Variants in JHY observed in about 807,000 individuals in gnomAD.
The protein encoded by JHY is junctional cadherin complex regulator, also known as jhy protein homolog.
A neutral mutation model predicts 78.0 loss-of-function variants in JHY; 69 were observed. That is an observed-to-expected ratio of 0.88 (90% CI 0.73 to 1.08). The LOEUF (loss-of-function observed/expected upper bound fraction) is 1.08. Among genes scored for constraint, JHY ranks in the 50% least tolerant of loss-of-function variants. The pLI is 0.00. For synonymous variants in JHY, 368 were observed against 342.6 expected (o/e 1.07, Z -0.82); for missense variants, 944 against 927.8 (o/e 1.02, Z -0.23).
chr11:122,959,128 G>T, intron 8 of JHY, 120 bp from the exon 9 acceptor site: 1 of 1,386,556 alleles, frequency 7.2e-7, no homozygotes, highest in Non-Finnish European at 9.7e-7. Flanking sequence ...TTCCACCAAT[G>T]TCTTAGTAAG....
chr11:122,925,043 C>G (rs1405278866), intron 4 of JHY, 33 bp downstream of exon 4: 1 of 1,450,818 alleles, frequency 6.9e-7, no homozygotes, highest in Non-Finnish European at 9.7e-7. Flanking sequence ...AAGTGTGTTT[C>G]AAGCGATACT....
rs571482464 is a variant in JHY, at chr11:122,922,809, C to CAAAAAAAAA, written c.865-2069_865-2061dup. Among the ~76,000 whole-genome samples, 69 of 44,366 alleles carry CAAAAAAAAA rather than the reference C, an allele frequency of 1.6e-3. 3 individuals are homozygous for CAAAAAAAAA. The highest frequency in any genetic ancestry group is 3.9e-3 in the Admixed American group (14 of 3,616). 29.1% of individuals were successfully genotyped at this position (44,366 alleles called of 152,430 possible). A position where few individuals can be genotyped will look rare whatever the true frequency, so the allele number is the denominator to read the frequency against. On this transcript the variant is annotated intron_variant, in intron 3 of 8. Coordinates refer to ENST00000227349, the MANE Select transcript of JHY (RefSeq NM_024806.4). ...TGGGCAACAGAGCGAGACTCCGTCT[C>CAAAAAAAAA]AAAAAAAAAAAAAAAAAAAAAAAAA...
In JHY at chr11:122,952,802, T is replaced by G. The variant is rs138821811; in HGVS notation, c.1930-3694T>G. ...CTTTGGACAAATTGGATTTATGACT[T>G]GGACATGAGCAGGGTTTTTTCCTTC... On this transcript the variant is annotated intron_variant, in intron 6 of 8. Coordinates refer to ENST00000227349, the MANE Select transcript of JHY (RefSeq NM_024806.4). Among the ~76,000 whole-genome samples, 88 of 152,356 alleles carry G rather than the reference T, an allele frequency of 5.8e-4. 1 individual carries two copies. Among genetic ancestry groups the G allele is most frequent in the African/African-American group, 2.0e-3 (84 of 41,588 alleles).
At chr11:122,912,627 A>G (rs915137688) in intron 3 of JHY, among the ~76,000 whole-genome samples, 2 of 152,034 alleles carry the variant, frequency 1.3e-5, no homozygotes, top group Non-Finnish European at 2.9e-5. Context: ...CTGTAGTCCC[A>G]GCTACTCCAG....
intron 2 of JHY, among the ~76,000 whole-genome samples, chr11:122,902,474 A>AG (rs2135304498): frequency 6.6e-6 from 1 of 152,288 alleles, no homozygotes; most frequent in African/African-American, 2.4e-5. Flanking sequence ...AAAAAAAAAA[A>AG]AAGTATAGTA....
intron 2 of JHY, among the ~76,000 whole-genome samples, chr11:122,901,534 A>T (rs1862858873): frequency 6.6e-6 from 1 of 152,110 alleles, no homozygotes; most frequent in South Asian, 2.1e-4. Flanking sequence ...CAGCTGTATA[A>T]AAATTCTTTA....
In JHY at chr11:122,887,620, C is replaced by A. The variant is rs142551253; in HGVS notation, c.344+1427C>A. ...ACAGGCGTGAGCCACTGTGCCCGGC[C>A]GATTTTTTTTTTTTTTAATTCAGGC... On this transcript the variant is annotated intron_variant, in intron 2 of 8. Coordinates refer to ENST00000227349, the MANE Select transcript of JHY (RefSeq NM_024806.4). Among the ~76,000 whole-genome samples, 741 of 151,662 alleles carry A rather than the reference C, an allele frequency of 4.9e-3. 6 individuals carry two copies. The highest frequency in any genetic ancestry group is 0.017 in the African/African-American group (692 of 41,262).
Position 122,904,222 on chromosome 11 carries a change from C to T in JHY, c.642C>T (p.Ser214=). 2 of 1,614,124 alleles carry T rather than the reference C, an allele frequency of 1.2e-6. No homozygotes were observed. The highest frequency in any genetic ancestry group is 1.1e-5 in the South Asian group (1 of 91,068). The stretch of plus-strand genomic sequence containing the variant: ...GCAGCAAGCCGTTTTCAGAGCTGAG[C>T]GACAGTGACCTGGAGGAGAAGTCGA... The part of the protein sequence containing the change: ...ARRSKPFSEL[S]DSDLEEKSSS... The change falls in exon 3 of 9, where the codon AGC becomes AGT. Residue 214 remains serine (S), a synonymous_variant. Transcript: ENST00000227349.
chr11:122,935,857 GGT>G lies in JHY; in HGVS notation c.1634+783_1634+784del, dbSNP rs1369910283. ...GTATCATGGAACCACTAAAAATTAT[GGT>G]TATGAGGAAATGCTTCTATAGGAAG... is the stretch of plus-strand genomic sequence containing the variant. On this transcript the variant is annotated intron_variant, in intron 5 of 8. Coordinates refer to ENST00000227349, the MANE Select transcript of JHY (RefSeq NM_024806.4). This position sits in a 1 kb window ranked among gnomAD's most constrained non-coding sequence, Gnocchi z 4.5. Among the ~76,000 whole-genome samples the G allele has an allele frequency of 2.0e-5, 3 of 152,146 alleles. No individual in the cohort carries two copies. The highest frequency in any genetic ancestry group is 1.3e-4 in the Admixed American group (2 of 15,268).
chr11:122,940,930 A>G (rs1439431973), intron 5 of JHY, among the ~76,000 whole-genome samples: 1 of 151,474 alleles, frequency 6.6e-6, no homozygotes, highest in South Asian at 2.1e-4. Context: ...GTTAAAGTCT[A>G]TTACCATCAT....
At chr11:122,926,592 G>C (rs1185663228) in intron 4 of JHY, among the ~76,000 whole-genome samples, 7 of 152,228 alleles carry the variant, frequency 4.6e-5, no homozygotes, top group Admixed American at 2.0e-4. Context: ...GATGGCGACT[G>C]AAATGTCTCA....
chr11:122,943,687 T>C (rs569697199), intron 5 of JHY, among the ~76,000 whole-genome samples: 1 of 152,354 alleles, frequency 6.6e-6, no homozygotes, highest in African/African-American at 2.4e-5. Context: ...CTTTTAATCC[T>C]GATGTAATCA....
intron 2 of JHY, among the ~76,000 whole-genome samples, chr11:122,901,778 C>T (rs1418333989): frequency 6.6e-6 from 1 of 151,188 alleles, no homozygotes; most frequent in Non-Finnish European, 1.5e-5. Context: ...GAGGCTGAGG[C>T]AGGAGAATGG....
chr11:122,947,050 T>A (rs969893937), intron 6 of JHY: 2 of 362,892 alleles, frequency 5.5e-6, no homozygotes, highest in Non-Finnish European at 9.8e-6. Flanking sequence ...AGGTCTCCAT[T>A]TGCAGAGTGG....
In JHY at chr11:122,885,821, TC is replaced by T; in HGVS notation, c.-25del. The T allele has an allele frequency of 6.6e-7, 1 of 1,524,290 alleles. No homozygotes were observed. Among genetic ancestry groups the T allele is most frequent in the South Asian group, 1.2e-5 (1 of 84,804 alleles). 94.4% of individuals were successfully genotyped at this position (1,524,290 alleles called of 1,614,324 possible). On this transcript the variant is annotated 5_prime_UTR_variant, in exon 2 of 9. Transcript: ENST00000227349. ...CCAGCTGCTCCTATCAACACGAGTA[TC>T]CCCTGTTAATTTTTTGCATTTTTCA...
At chr11:122,934,191 A>G (rs1256836626) in intron 4 of JHY, among the ~76,000 whole-genome samples, 4 of 152,036 alleles carry the variant, frequency 2.6e-5, no homozygotes, top group Non-Finnish European at 4.4e-5. Context: ...CCAATTTGGA[A>G]AACACTAATT....
intron 4 of JHY, among the ~76,000 whole-genome samples, chr11:122,934,034 T>C (rs1297640924): frequency 1.3e-5 from 2 of 152,154 alleles, no homozygotes; most frequent in Non-Finnish European, 2.9e-5. Flanking sequence ...TTCTAAGCTT[T>C]CTATTTCTTT....
At chr11:122,953,550 C>G (rs921221177) in intron 6 of JHY, among the ~76,000 whole-genome samples, 6 of 147,548 alleles carry the variant, frequency 4.1e-5, no homozygotes, top group Non-Finnish European at 7.4e-5. Context: ...TGCAGTGAGC[C>G]GAGATTGCAC....
intron 6 of JHY, among the ~76,000 whole-genome samples, chr11:122,954,037 T>A (rs1401974429): frequency 1.3e-5 from 2 of 152,230 alleles, no homozygotes; most frequent in Non-Finnish European, 2.9e-5. Context: ...GAATATTGCC[T>A]TCAGTGGGCA....
Sources: allele counts gnomAD v4.1 joint callset (sites outside exome capture counted in the v4.1 genomes callset), GRCh38; gene constraint gnomAD v4.1.1; non-coding constraint Gnocchi (gnomAD v3.1); transcripts MANE v1.5; gene names NCBI Gene and HGNC (gene_info 2026-07-23, HGNC 2026-07-21).